RPS6KA5: variants seen among roughly 807,000 people sequenced by gnomAD.
The protein encoded by RPS6KA5 is ribosomal protein S6 kinase alpha-5.
A neutral mutation model predicts 85.5 loss-of-function variants in RPS6KA5; 27 were observed. The observed-to-expected ratio is 0.32, with a 90% CI of 0.23 to 0.44. The LOEUF (loss-of-function observed/expected upper bound fraction) is 0.44. Among genes scored for constraint, RPS6KA5 ranks in the 20% least tolerant of loss-of-function variants. The probability of loss-of-function intolerance (pLI) is 1.00; values close to 1 mark genes in which losing one functional copy is unlikely to be tolerated. For missense variants in RPS6KA5, 811 were observed against 980.9 expected (o/e 0.83, Z 2.31); for synonymous variants, 334 against 348.2 (o/e 0.96, Z 0.46).
Position 90,904,063 on chromosome 14 carries a change from C to T in RPS6KA5, c.958-1094G>A, listed in dbSNP as rs142745763. On this transcript the variant is annotated intron_variant, in intron 8 of 16. Transcript: ENST00000614987. Reference sequence around the variant, plus strand: ...CTCCTGAGTTCACGCCATTCTCCTGCCTCAGCCTCCTGAGTAGCTGGGACT... The same window carrying T: ...CTCCTGAGTTCACGCCATTCTCCTGTCTCAGCCTCCTGAGTAGCTGGGACT... 4.0e-3 allele frequency among the ~76,000 whole-genome samples: 604 copies of T among 152,128 alleles called. 3 individuals are homozygous for T. Among genetic ancestry groups the T allele is most frequent in the African/African-American group, 0.014 (578 of 41,492 alleles).
In RPS6KA5 at chr14:90,851,511, T is replaced by A. The variant is rs1356749557; in HGVS notation, c.*20563A>T. 6.6e-6 allele frequency: 1 copy of A among 152,148 alleles called. No homozygotes were observed. Among genetic ancestry groups the A allele is most frequent in the Non-Finnish European group, 1.5e-5 (1 of 68,032 alleles). 9.4% of individuals were successfully genotyped at this position (152,148 alleles called of 1,614,324 possible). ...GCACAGGTTAACCCCATTTTACAGA[T>A]GAAGAAATGGAGGCAAAGGGAGGCT... On this transcript the variant is annotated 3_prime_UTR_variant, in exon 17 of 17. Coordinates refer to ENST00000614987, the MANE Select transcript of RPS6KA5 (RefSeq NM_004755.4).
chr14:90,885,736 C>T (rs1336417947), intron 14 of RPS6KA5, among the ~76,000 whole-genome samples: 2 of 59,646 alleles, frequency 3.4e-5, no homozygotes. Flanking sequence ...AGCAAGACTC[C>T]ATCTCAAAAA....
chr14:90,976,726 A>G (rs1386902666), intron 3 of RPS6KA5, among the ~76,000 whole-genome samples: 2 of 152,210 alleles, frequency 1.3e-5, no homozygotes, highest in African/African-American at 4.8e-5. Flanking sequence ...TAGGCAAATG[A>G]TAACATTAAT....
chr14:90,959,200 T>C (rs2038675611), intron 3 of RPS6KA5, among the ~76,000 whole-genome samples: 1 of 152,178 alleles, frequency 6.6e-6, no homozygotes, highest in Non-Finnish European at 1.5e-5. Context: ...GGAGCCGTAG[T>C]GTACATCATC....
intron 1 of RPS6KA5, among the ~76,000 whole-genome samples, chr14:91,053,273 A>G (rs1331153717): frequency 6.6e-6 from 1 of 152,214 alleles, no homozygotes; most frequent in Non-Finnish European, 1.5e-5. Context: ...GTAGAAGACT[A>G]AAGCTTTCAC....
At chr14:91,024,341 T>C (rs1235653703) in intron 1 of RPS6KA5, among the ~76,000 whole-genome samples, 19 of 152,220 alleles carry the variant, frequency 1.2e-4, no homozygotes, top group Admixed American at 9.8e-4. Flanking sequence ...TATCATCTAA[T>C]GCTTGTCTCA....
chr14:91,027,040 A>G (rs191681125), intron 1 of RPS6KA5, among the ~76,000 whole-genome samples: 2 of 152,150 alleles, frequency 1.3e-5, no homozygotes, highest in African/African-American at 4.8e-5. Context: ...TGTCAGATAC[A>G]TAGTTGCGAA....
intron 1 of RPS6KA5, among the ~76,000 whole-genome samples, chr14:91,043,684 G>T (rs1008232670): frequency 3.9e-5 from 6 of 152,108 alleles, no homozygotes; most frequent in African/African-American, 1.4e-4. Context: ...TATGTCAAAG[G>T]CATCTCAAAC....
chr14:90,889,705 A>G (rs1041236854), intron 14 of RPS6KA5, among the ~76,000 whole-genome samples: 1 of 152,228 alleles, frequency 6.6e-6, no homozygotes, highest in Non-Finnish European at 1.5e-5. Context: ...CAGGTATAAT[A>G]TAATCTTATT....
At chr14:90,997,193 A>G (rs1344566988) in intron 2 of RPS6KA5, among the ~76,000 whole-genome samples, 1 of 152,222 alleles carries the variant, frequency 6.6e-6, no homozygotes, top group Non-Finnish European at 1.5e-5. Context: ...CCTGACCTGT[A>G]GTAAAAAAGG....
intron 1 of RPS6KA5, among the ~76,000 whole-genome samples, chr14:91,031,093 G>T (rs1454152772): frequency 2.0e-5 from 3 of 151,974 alleles, no homozygotes; most frequent in African/African-American, 7.3e-5. Context: ...CCAAACCAGG[G>T]ATAAAGAGAG....
chr14:90,851,001 G>C lies in RPS6KA5; in HGVS notation c.*21073C>G, dbSNP rs2031971377. ...TGTTAGTTCCTACTTCAAAATGCTA[G>C]TCAATATTCACTACAGAGAAGTGGG... On this transcript the variant is annotated 3_prime_UTR_variant, in exon 17 of 17. Transcript: ENST00000614987. 1 of 152,086 alleles carries C rather than the reference G, an allele frequency of 6.6e-6. No individual in the cohort carries two copies. Among genetic ancestry groups the C allele is most frequent in the Admixed American group, 6.5e-5 (1 of 15,272 alleles). 9.4% of individuals were successfully genotyped at this position (152,086 alleles called of 1,614,324 possible). A position where few individuals can be genotyped will look rare whatever the true frequency, so the allele number is the denominator to read the frequency against.
chr14:90,913,182 AT>A (rs1351898102), intron 7 of RPS6KA5, among the ~76,000 whole-genome samples: 2 of 151,978 alleles, frequency 1.3e-5, no homozygotes, highest in African/African-American at 4.8e-5. Context: ...AAGTGCCAGG[AT>A]TATAGGCGTG....
chr14:90,892,477 T>C (rs558562932), intron 13 of RPS6KA5, among the ~76,000 whole-genome samples: 2 of 152,328 alleles, frequency 1.3e-5, no homozygotes, highest in East Asian at 3.9e-4. Flanking sequence ...AGGGTGTGCC[T>C]AGTCAGGAAT....
chr14:90,963,957 T>C lies in RPS6KA5; in HGVS notation c.394+14349A>G, dbSNP rs534453433. The stretch of plus-strand genomic sequence containing the variant: ...AAGCTGAGGCTGGGGTCAGATTGTT[T>C]TGAGAGCCTTACAATGGACTTTAGA... On this transcript the variant is annotated intron_variant, in intron 3 of 16. Coordinates refer to ENST00000614987, the MANE Select transcript of RPS6KA5 (RefSeq NM_004755.4). 5.5e-4 allele frequency among the ~76,000 whole-genome samples: 83 copies of C among 152,228 alleles called. 1 individual carries two copies. The highest frequency in any genetic ancestry group is 4.8e-3 in the Admixed American group (74 of 15,288).
At chr14:90,990,970 C>G (rs1268402326) in intron 2 of RPS6KA5, among the ~76,000 whole-genome samples, 1 of 152,060 alleles carries the variant, frequency 6.6e-6, no homozygotes, top group Non-Finnish European at 1.5e-5. Flanking sequence ...ACACCAAACA[C>G]CAGCGACAGG....
Position 91,060,499 on chromosome 14 carries a change from TC to T in RPS6KA5, c.-66del. On this transcript the variant is annotated 5_prime_UTR_variant, in exon 1 of 17. Transcript: ENST00000614987. ...GAACCCAGGAGACAGCGGACGCCCGTCCCCTCGCAGCCGCTGCCGCGGCCCC... is the reference window on the plus strand; with the variant it reads ...GAACCCAGGAGACAGCGGACGCCCGTCCCTCGCAGCCGCTGCCGCGGCCCC... 1 of 1,279,046 alleles carries T rather than the reference TC, an allele frequency of 7.8e-7. No homozygotes were observed. The allele number at this position is 1,279,046 out of a possible 1,614,324, so 79.2% of individuals were successfully genotyped here. A position where few individuals can be genotyped will look rare whatever the true frequency, so the allele number is the denominator to read the frequency against.
intron 15 of RPS6KA5, among the ~76,000 whole-genome samples, 200 bp downstream of exon 15, chr14:90,875,001 A>C (rs190441525): frequency 1.5e-3 from 232 of 152,344 alleles, no homozygotes; most frequent in Non-Finnish European, 1.6e-3. Context: ...GTCAAGTGCT[A>C]GCTCATGTTA....
chr14:90,985,235 G>A (rs1283047475), intron 2 of RPS6KA5, among the ~76,000 whole-genome samples: 4 of 152,132 alleles, frequency 2.6e-5, no homozygotes, highest in African/African-American at 7.2e-5. Flanking sequence ...GAGCCACTGC[G>A]CCCGGCCGCC....
Sources: allele counts gnomAD v4.1 joint callset (sites outside exome capture counted in the v4.1 genomes callset), GRCh38; gene constraint gnomAD v4.1.1; transcripts MANE v1.5; gene names NCBI Gene and HGNC (gene_info 2026-07-23, HGNC 2026-07-21).